Variants in NDUFA10 observed in about 807,000 individuals in gnomAD.
NDUFA10 encodes NADH:ubiquinone oxidoreductase subunit A10, also known as NADH dehydrogenase [ubiquinone] 1 alpha subcomplex subunit 10, mitochondrial.
A neutral mutation model predicts 47.8 loss-of-function variants in NDUFA10; 40 were observed. The observed-to-expected ratio is 0.84, with a 90% CI of 0.65 to 1.09. NDUFA10 has a LOEUF of 1.09. Ranked by LOEUF, NDUFA10 falls within the 50% of genes least tolerant of loss-of-function variation. The pLI, the probability that NDUFA10 is intolerant of heterozygous loss-of-function variation, is 0.00. For missense variants in NDUFA10, 413 were observed against 451.1 expected (o/e 0.92, Z 0.76); for synonymous variants, 183 against 172.2 (o/e 1.06, Z -0.49).
Position 239,896,541 on chromosome 2 carries a change from G to A in NDUFA10, c.295-1227C>T, listed in dbSNP as rs148629607. On this transcript the variant is annotated intron_variant, in intron 4 of 5. Transcript: ENST00000419408. ...CACTGCAACCAGCCAGTGGGGCCAC[G>A]GAAGGGAGGAAAGAGGCTGAAACAG... 2.6e-4 allele frequency among the ~76,000 whole-genome samples: 39 copies of A among 152,330 alleles called. No homozygotes were observed. The East Asian group carries it at 6.9e-3, about 27-fold the overall frequency.
At chr2:239,992,924 TTA>T (rs1166695359) in intron 8 of NDUFA10, among the ~76,000 whole-genome samples, 8 of 152,208 alleles carry the variant, frequency 5.3e-5, no homozygotes, top group Non-Finnish European at 1.2e-4. Context: ...TTTACAATAA[TTA>T]TGTTAGAAAA....
At chr2:239,919,542 C>T (rs58428283) in intron 4 of NDUFA10, among the ~76,000 whole-genome samples, 34,166 of 152,078 alleles carry the variant, frequency 0.22, 5,346 homozygotes, top group African/African-American at 0.45. Context: ...TAACCAAACG[C>T]AGCCTTAAGG....
chr2:240,003,676 T>C (rs1408818202), intron 8 of NDUFA10, among the ~76,000 whole-genome samples: 3 of 152,232 alleles, frequency 2.0e-5, no homozygotes, highest in Non-Finnish European at 4.4e-5. Context: ...GTAGAATTTA[T>C]AGCCCTAAAA....
rs943851280 is a variant in NDUFA10 at position 239,963,901 on chromosome 2, A to G, written c.1000-2715T>C. 3.9e-5 allele frequency among the ~76,000 whole-genome samples: 6 copies of G among 152,192 alleles called. No homozygotes were observed. The South Asian group carries it at 1.2e-3, about 32-fold the overall frequency. On this transcript the variant is annotated intron_variant, in intron 9 of 9. Transcript: ENST00000252711. The stretch of plus-strand genomic sequence containing the variant: ...AGCTGGGTGTGACCACGCGTGACAT[A>G]CGGGGCCTCGCGTCACGGTCACCAG...
intron 4 of NDUFA10, among the ~76,000 whole-genome samples, chr2:239,909,220 A>G (rs1693706668): frequency 1.3e-5 from 2 of 152,234 alleles, no homozygotes; most frequent in Non-Finnish European, 2.9e-5. Context: ...CACGTGACAG[A>G]GATGCAGAAA....
chr2:239,940,007 G>A (rs1694336135), intron 4 of NDUFA10, among the ~76,000 whole-genome samples: 3 of 152,232 alleles, frequency 2.0e-5, no homozygotes, highest in East Asian at 1.9e-4. Context: ...TTGCTCAGGT[G>A]TCTGGTGTGA....
At chr2:239,988,992 C>A (rs551976343) in intron 9 of NDUFA10, among the ~76,000 whole-genome samples, 17 of 142,954 alleles carry the variant, frequency 1.2e-4, no homozygotes, top group Admixed American at 7.8e-4. Flanking sequence ...AGAAACAGCA[C>A]ACACTCACAC....
At chr2:239,968,021 C>T (rs1209230036) in intron 9 of NDUFA10, among the ~76,000 whole-genome samples, 1 of 145,274 alleles carries the variant, frequency 6.9e-6, no homozygotes, top group African/African-American at 2.5e-5. Flanking sequence ...GTCACTCATT[C>T]TAATGGAGGA....
intron 8 of NDUFA10, among the ~76,000 whole-genome samples, chr2:240,004,799 C>A (rs574883473): frequency 1.3e-5 from 2 of 152,260 alleles, no homozygotes; most frequent in East Asian, 3.9e-4. Context: ...AGGCCTCATC[C>A]CGAGAGAGGC....
chr2:239,934,211 G>A (rs1215924491), intron 4 of NDUFA10, among the ~76,000 whole-genome samples: 1 of 152,138 alleles, frequency 6.6e-6, no homozygotes, highest in Non-Finnish European at 1.5e-5. Context: ...ACCATCTCCT[G>A]CCCTGGATCC....
chr2:240,018,384 G>A lies in NDUFA10; in HGVS notation c.547+169C>T, dbSNP rs10804402. 0.16 allele frequency: 249,172 copies of A among 1,534,834 alleles called. 21,321 individuals carry two copies. Among genetic ancestry groups the A allele is most frequent in the African/African-American group, 0.26 (19,288 of 72,872 alleles). On this transcript the variant is annotated intron_variant, in intron 4 of 9. Coordinates refer to ENST00000252711, the MANE Select transcript of NDUFA10 (RefSeq NM_004544.4). ...ACACCTATTTCAGGAGGGAGAAAGG[G>A]TGGAAGATACTTAGGAAGTTCCTTT... is the stretch of plus-strand genomic sequence containing the variant.
At chr2:239,899,062 T>C (rs867328222) in intron 4 of NDUFA10, among the ~76,000 whole-genome samples, 1 of 32,078 alleles carries the variant, frequency 3.1e-5, no homozygotes, top group Non-Finnish European at 7.4e-5. Flanking sequence ...AGGAGTGTGA[T>C]GGAGGGGTGT....
rs2106393542 is a variant in NDUFA10, at chr2:239,961,194, GGA to G, written c.1000-10_1000-9del. ...GTACTTGCGGCCCGGCAGCTGTGGG[GGA>G]AAAAGGCATTGGTGCATTCTGTTTA... On this transcript the variant is annotated splice_polypyrimidine_tract_variant and intron_variant, in intron 9 of 9. Coordinates refer to ENST00000252711, the MANE Select transcript of NDUFA10 (RefSeq NM_004544.4). 6.2e-7 allele frequency: 1 copy of G among 1,613,840 alleles called. No individual in the cohort carries two copies.
At chr2:239,911,194 G>A (rs28468633) in intron 4 of NDUFA10, among the ~76,000 whole-genome samples, 14 of 152,260 alleles carry the variant, frequency 9.2e-5, no homozygotes, top group East Asian at 1.9e-4. Flanking sequence ...TACTGTCCCC[G>A]CCTCCCTGGA....
intron 4 of NDUFA10, among the ~76,000 whole-genome samples, chr2:239,922,272 G>C (rs1694002490): frequency 6.6e-6 from 1 of 152,138 alleles, no homozygotes; most frequent in Non-Finnish European, 1.5e-5. Context: ...AAGGCAGCTA[G>C]GCACCTCAGC....
At chr2:239,963,918 G>A (rs1195109161) in intron 9 of NDUFA10, among the ~76,000 whole-genome samples, 3 of 152,194 alleles carry the variant, frequency 2.0e-5, no homozygotes, top group Non-Finnish European at 2.9e-5. Flanking sequence ...CTCGCGTCAC[G>A]GTCACCAGAT....
intron 6 of NDUFA10, among the ~76,000 whole-genome samples, chr2:240,007,715 A>G (rs1390045516): frequency 6.6e-6 from 1 of 152,256 alleles, no homozygotes; most frequent in East Asian, 1.9e-4. Flanking sequence ...AGCTGCACAT[A>G]CCATCGCCAA....
downstream of NDUFA10, among the ~76,000 whole-genome samples, chr2:239,954,429 T>C (rs1038914096): frequency 6.6e-6 from 1 of 152,258 alleles, no homozygotes; most frequent in Non-Finnish European, 1.5e-5. Flanking sequence ...GATGCTGCTC[T>C]CCTGTGTCCT....
At chr2:239,926,682 T>A (rs1025119546) in intron 4 of NDUFA10, among the ~76,000 whole-genome samples, 6 of 152,090 alleles carry the variant, frequency 3.9e-5, no homozygotes, top group African/African-American at 1.4e-4. Context: ...GAAGAAGGCA[T>A]CATTACCACA....
Sources: allele counts gnomAD v4.1 joint callset (sites outside exome capture counted in the v4.1 genomes callset), GRCh38; gene constraint gnomAD v4.1.1; transcripts MANE v1.5; gene names NCBI Gene and HGNC (gene_info 2026-07-23, HGNC 2026-07-21).